MAPK10: variants seen among roughly 807,000 people sequenced by gnomAD.
MAPK10 encodes JNK3 alpha protein kinase.
A neutral mutation model predicts 59.3 loss-of-function variants in MAPK10; 25 were observed. The observed-to-expected ratio is 0.42, with a 90% CI of 0.31 to 0.59. The LOEUF (loss-of-function observed/expected upper bound fraction) is 0.59, where lower values mean the gene tolerates loss of function less well. MAPK10 is among the 20% of genes least tolerant of loss of function. The pLI, the probability that MAPK10 is intolerant of heterozygous loss-of-function variation, is 0.15. For missense variants in MAPK10, 351 were observed against 568.9 expected (o/e 0.62, Z 3.90); for synonymous variants, 190 against 200.5 (o/e 0.95, Z 0.44).
intron 1 of MAPK10, among the ~76,000 whole-genome samples, chr4:86,539,821 T>G (rs547017753): frequency 1.3e-5 from 2 of 152,220 alleles, no homozygotes; most frequent in Non-Finnish European, 1.5e-5. Flanking sequence ...AAGAGGCATA[T>G]AGAAATGTGT....
intron 1 of MAPK10, among the ~76,000 whole-genome samples, chr4:86,555,640 T>C (rs1373236851): frequency 6.6e-6 from 1 of 152,232 alleles, no homozygotes; most frequent in African/African-American, 2.4e-5. Flanking sequence ...TTGTATATTG[T>C]ATAGTATACA....
At chr4:86,202,349 T>C (rs989858162) in intron 2 of MAPK10, among the ~76,000 whole-genome samples, 1 of 151,906 alleles carries the variant, frequency 6.6e-6, no homozygotes. Flanking sequence ...GAATATCGTA[T>C]AGTATTGTAA....
At chr4:86,070,882 T>C (rs1446505443) in intron 9 of MAPK10, among the ~76,000 whole-genome samples, 2 of 152,064 alleles carry the variant, frequency 1.3e-5, no homozygotes, top group Non-Finnish European at 2.9e-5. Flanking sequence ...AGCAGCATGA[T>C]TTATAGTCAT....
chr4:86,148,750 G>C (rs1055718136), intron 4 of MAPK10, among the ~76,000 whole-genome samples: 12 of 152,062 alleles, frequency 7.9e-5, no homozygotes, highest in African/African-American at 2.9e-4. Context: ...AATTATATTG[G>C]GCATGCTGAA....
intron 4 of MAPK10, among the ~76,000 whole-genome samples, chr4:86,144,983 G>A (rs1455076663): frequency 6.8e-6 from 1 of 147,240 alleles, no homozygotes; most frequent in Non-Finnish European, 1.5e-5. Context: ...CCGGTAATAT[G>A]TTTACCAAAA....
At chr4:86,488,769 C>A (rs1403982895) in intron 1 of MAPK10, among the ~76,000 whole-genome samples, 1 of 152,186 alleles carries the variant, frequency 6.6e-6, no homozygotes, top group Non-Finnish European at 1.5e-5. Flanking sequence ...CTGCACCTCT[C>A]TCTTCCATCA....
upstream of MAPK10, among the ~76,000 whole-genome samples, chr4:86,456,606 G>C (rs1469320004): frequency 6.6e-6 from 1 of 151,934 alleles, no homozygotes; most frequent in Non-Finnish European, 1.5e-5. Flanking sequence ...GTTTAAATCA[G>C]GAAGAATTAG....
chr4:86,400,983 G>A (rs1029224679), intron 1 of MAPK10, among the ~76,000 whole-genome samples: 3 of 152,078 alleles, frequency 2.0e-5, no homozygotes, highest in Non-Finnish European at 4.4e-5. Flanking sequence ...TGTGGGTCAC[G>A]AGGTCAATTT....
At chr4:86,576,653 A>G (rs758866542) in intron 1 of MAPK10, among the ~76,000 whole-genome samples, 4 of 152,062 alleles carry the variant, frequency 2.6e-5, no homozygotes, top group African/African-American at 7.2e-5. Context: ...GGGTGCCTGT[A>G]GTCCCAGCTA....
At chr4:86,240,690 G>A (rs1364236838) in intron 2 of MAPK10, among the ~76,000 whole-genome samples, 1 of 149,906 alleles carries the variant, frequency 6.7e-6, no homozygotes, top group Admixed American at 6.6e-5. Context: ...CCATTTTGTT[G>A]CTAAATATTC....
intron 2 of MAPK10, among the ~76,000 whole-genome samples, chr4:86,300,276 C>T (rs928862331): frequency 6.6e-6 from 1 of 152,182 alleles, no homozygotes; most frequent in Non-Finnish European, 1.5e-5. Flanking sequence ...TCCCGCCCTT[C>T]TTTGTCACTG....
rs1287287439 is a variant in MAPK10, at chr4:86,295,219, ACCCCCTCGGGCCC to A, written c.-7+59298_-7+59310del. On this transcript the variant is annotated intron_variant, in intron 2 of 13. Transcript: ENST00000641462. ...AAAACAACACGGTGTTTGTTGTTTAACCCCCTCGGGCCCCACGCCCTCTGCCTGGAGGATGCTC... is the reference window on the plus strand; with the variant it reads ...AAAACAACACGGTGTTTGTTGTTTAACACGCCCTCTGCCTGGAGGATGCTC... Among the ~76,000 whole-genome samples, 4 of 152,150 alleles carry A rather than the reference ACCCCCTCGGGCCC, an allele frequency of 2.6e-5. No homozygotes were observed. In the East Asian group the frequency reaches 7.7e-4, roughly 29 times the overall value.
At chr4:86,137,348 T>G (rs1290831339) in intron 4 of MAPK10, among the ~76,000 whole-genome samples, 4 of 147,622 alleles carry the variant, frequency 2.7e-5, no homozygotes, top group African/African-American at 1.0e-4. Flanking sequence ...CAGACCACAG[T>G]GCAATCAAAC....
chr4:86,137,594 A>C, intron 4 of MAPK10, among the ~76,000 whole-genome samples: 1 of 131,298 alleles, frequency 7.6e-6, no homozygotes, highest in Non-Finnish European at 1.6e-5. Flanking sequence ...AAAGATCCAA[A>C]ATTGACACCC....
chr4:86,049,274 A>G (rs1035416957), intron 11 of MAPK10, among the ~76,000 whole-genome samples: 25 of 152,128 alleles, frequency 1.6e-4, no homozygotes, highest in African/African-American at 5.5e-4. Context: ...ATGTTGGGGA[A>G]CAAAAAAGTT....
intron 11 of MAPK10, among the ~76,000 whole-genome samples, chr4:86,058,249 A>T (rs2045034558): frequency 6.7e-6 from 1 of 149,692 alleles, no homozygotes; most frequent in Non-Finnish European, 1.5e-5. Flanking sequence ...TTCCCTGGTT[A>T]CTTCTCCTTT....
At chr4:86,462,445 G>A (rs192862152) in intron 1 of MAPK10, among the ~76,000 whole-genome samples, 18 of 152,192 alleles carry the variant, frequency 1.2e-4, no homozygotes, top group African/African-American at 2.2e-4. Flanking sequence ...AAGGCAAAGC[G>A]GCTTATTGGG....
chr4:86,520,231 C>A (rs996053385), intron 1 of MAPK10, among the ~76,000 whole-genome samples: 1 of 152,292 alleles, frequency 6.6e-6, no homozygotes, highest in South Asian at 2.1e-4. Context: ...TTAGATTTAT[C>A]TTCTTCCGTG....
chr4:86,577,376 A>C (rs1004904585), intron 1 of MAPK10, among the ~76,000 whole-genome samples: 2 of 152,182 alleles, frequency 1.3e-5, no homozygotes, highest in Non-Finnish European at 2.9e-5. Flanking sequence ...AACTAGAAGG[A>C]AAAGGACATA....
Sources: allele counts gnomAD v4.1 joint callset (sites outside exome capture counted in the v4.1 genomes callset), GRCh38; gene constraint gnomAD v4.1.1; transcripts MANE v1.5; gene names NCBI Gene and HGNC (gene_info 2026-07-23, HGNC 2026-07-21).